Variants in SP3 observed in about 807,000 individuals in gnomAD.
The protein encoded by SP3 is transcription factor Sp3.
A neutral mutation model predicts 70.3 loss-of-function variants in SP3; 10 were observed. The observed-to-expected ratio is 0.14, with a 90% CI of 0.09 to 0.24. The LOEUF (loss-of-function observed/expected upper bound fraction) is 0.24, where lower values mean the gene tolerates loss of function less well. SP3 is among the 10% of genes least tolerant of loss of function. SP3 has a pLI of 1.00. For synonymous variants in SP3, 402 were observed against 333.5 expected, an observed-to-expected ratio of 1.21 and a Z score of -2.24; for missense variants, 825 against 914.6, an observed-to-expected ratio of 0.90 and a Z score of 1.26.
chr2:173,944,633 A>AT (rs1189840357), intron 4 of SP3, among the ~76,000 whole-genome samples: 1 of 152,224 alleles, frequency 6.6e-6, no homozygotes, highest in Non-Finnish European at 1.5e-5. Flanking sequence ...AAAATACGGC[A>AT]TTACTGAAAA....
intron 3 of SP3, among the ~76,000 whole-genome samples, chr2:173,959,717 G>A (rs1691003608): frequency 6.6e-6 from 1 of 152,118 alleles, no homozygotes; most frequent in African/African-American, 2.4e-5. Flanking sequence ...TTCCGCCACC[G>A]CACTCCAGCC....
intron 4 of SP3, among the ~76,000 whole-genome samples, chr2:173,953,333 T>G (rs1405750580): frequency 6.6e-6 from 1 of 152,226 alleles, no homozygotes; most frequent in Non-Finnish European, 1.5e-5. Context: ...GTGAAGGACC[T>G]CTGAGAGGGT....
At chr2:173,928,931 G>C (rs972232413) in intron 4 of SP3, among the ~76,000 whole-genome samples, 5 of 152,198 alleles carry the variant, frequency 3.3e-5, no homozygotes, top group African/African-American at 7.2e-5. Flanking sequence ...ACATTAATCA[G>C]AATCAGTGAA....
chr2:173,957,358 G>A (rs1186085716), intron 3 of SP3, among the ~76,000 whole-genome samples: 1 of 151,872 alleles, frequency 6.6e-6, no homozygotes, highest in Non-Finnish European at 1.5e-5. Flanking sequence ...GCACAGACTA[G>A]TCATATGATC....
Position 173,910,158 on chromosome 2 carries a change from T to C in SP3, c.2129A>G (p.His710Arg). The change falls in exon 7 of 7, where the codon CAC becomes CGC. Residue 710 changes from histidine to arginine, a missense_variant. Transcript: ENST00000310015. ...AGATGCCAGCACTGTACTGCTAGAG[T>C]GAATACCTTTTTTATTCTGGTGTGT... ...IKTHQNKKGI[H>R]SSSTVLASVE... 6.2e-7 allele frequency: 1 copy of C among 1,613,832 alleles called. No individual in the cohort carries two copies. Among genetic ancestry groups the C allele is most frequent in the Non-Finnish European group, 8.5e-7 (1 of 1,179,856 alleles).
chr2:173,924,625 A>AGGTTATGTAGTTTG (rs1436124314), intron 4 of SP3, among the ~76,000 whole-genome samples: 1 of 152,196 alleles, frequency 6.6e-6, no homozygotes, highest in Non-Finnish European at 1.5e-5. Context: ...AGATGAGAAA[A>AGGTTATGTAGTTTG]CAAAGAGGTT....
chr2:173,916,326 A>G (rs893397799), intron 5 of SP3: 3 of 152,080 alleles, frequency 2.0e-5, no homozygotes, highest in Non-Finnish European at 4.4e-5. Context: ...GCATCTAATA[A>G]AGGAAAGGCT....
chr2:173,927,276 C>T (rs1689942544), intron 4 of SP3, among the ~76,000 whole-genome samples: 1 of 142,178 alleles, frequency 7.0e-6, no homozygotes, highest in Admixed American at 7.0e-5. Context: ...AACTATATAT[C>T]TTTTTTTTTT....
chr2:173,948,635 A>G (rs1410515709), intron 4 of SP3, among the ~76,000 whole-genome samples: 1 of 152,186 alleles, frequency 6.6e-6, no homozygotes, highest in East Asian at 1.9e-4. Flanking sequence ...TATGACACTA[A>G]GTCTTATTCC....
intron 6 of SP3, among the ~76,000 whole-genome samples, chr2:173,911,813 CT>C (rs11448837): frequency 0.05 from 4,884 of 97,858 alleles, 172 homozygotes; most frequent in African/African-American, 0.17. Context: ...TTTTATCTAC[CT>C]TTTTTTTTTT....
intron 4 of SP3, among the ~76,000 whole-genome samples, chr2:173,932,195 T>C (rs1279938453): frequency 1.3e-5 from 2 of 152,156 alleles, no homozygotes; most frequent in African/African-American, 2.4e-5. Context: ...ATTTGCCTAG[T>C]TTTTTCTTTT....
At chr2:173,922,413 T>A (rs1374176164) in intron 4 of SP3, among the ~76,000 whole-genome samples, 1 of 151,848 alleles carries the variant, frequency 6.6e-6, no homozygotes, top group South Asian at 2.1e-4. Context: ...TTTTGAAATA[T>A]GAAAGTTCTG....
chr2:173,954,738 A>G, intron 4 of SP3, 135 bp downstream of exon 4: 1 of 825,284 alleles, frequency 1.2e-6, no homozygotes, highest in Non-Finnish European at 1.9e-6. Context: ...CTACTTTCAT[A>G]CAAACATATT....
Position 173,906,091 on chromosome 2 carries a change from A to T in SP3, c.*3850T>A, listed in dbSNP as rs1689312002. 6.6e-6 allele frequency among the ~76,000 whole-genome samples: 1 copy of T among 152,044 alleles called. No individual in the cohort carries two copies. Among genetic ancestry groups the T allele is most frequent in the Non-Finnish European group, 1.5e-5 (1 of 67,998 alleles). Reference sequence around the variant, plus strand: ...AAGACTAGGAATCACTGACAAAAAAAATTCTTCTCTTTTGCAATTTGGCAG... The same window carrying T: ...AAGACTAGGAATCACTGACAAAAAATATTCTTCTCTTTTGCAATTTGGCAG... On this transcript the variant is annotated 3_prime_UTR_variant, in exon 7 of 7. Transcript: ENST00000310015.
chr2:173,940,283 G>C (rs1315864898), intron 4 of SP3, among the ~76,000 whole-genome samples: 1 of 152,158 alleles, frequency 6.6e-6, no homozygotes, highest in African/African-American at 2.4e-5. Flanking sequence ...GTTTCAGGGT[G>C]AAACTGTTCC....
chr2:173,956,274 T>TTAAC, intron 3 of SP3, 42 bp from the exon 4 acceptor site: 1 of 1,518,788 alleles, frequency 6.6e-7, no homozygotes, highest in Non-Finnish European at 8.8e-7. Context: ...TGTGGTATAT[T>TTAAC]TAAATCAACC....
chr2:173,941,908 C>T (rs925109297), intron 4 of SP3, among the ~76,000 whole-genome samples: 6 of 152,210 alleles, frequency 3.9e-5, no homozygotes, highest in Admixed American at 2.6e-4. Flanking sequence ...ATTCCCTAGA[C>T]CACAGTAAGT....
chr2:173,964,913 G>A (rs893768308), intron 1 of SP3: 82 of 521,656 alleles, frequency 1.6e-4, no homozygotes, highest in African/African-American at 1.3e-3. Flanking sequence ...CGCACACAGG[G>A]GGATGCGCTC....
intron 2 of SP3, 41 bp downstream of exon 2, chr2:173,964,364 G>A: frequency 1.5e-6 from 1 of 665,498 alleles, no homozygotes; most frequent in South Asian, 1.6e-5. Flanking sequence ...GGAGAAAGCG[G>A]CGCGAGGGGG....
Sources: allele counts gnomAD v4.1 joint callset (sites outside exome capture counted in the v4.1 genomes callset), GRCh38; gene constraint gnomAD v4.1.1; transcripts MANE v1.5; gene names NCBI Gene and HGNC (gene_info 2026-07-23, HGNC 2026-07-21).